The following TMTC2 variants were observed in gnomAD, a reference collection of about 807,000 sequenced individuals.
TMTC2 encodes protein O-mannosyl-transferase TMTC2.
In TMTC2, 43 loss-of-function variants were observed where a neutral mutation model predicts 82.4. The observed-to-expected ratio is 0.52, with a 90% confidence interval of 0.41 to 0.67. The LOEUF (loss-of-function observed/expected upper bound fraction) is 0.67, where lower values mean the gene tolerates loss of function less well. Among genes scored for constraint, TMTC2 ranks in the 30% least tolerant of loss-of-function variants. TMTC2 has a pLI of 0.00. For missense variants in TMTC2, 919 were observed against 1,012.4 expected (o/e 0.91, Z 1.25); for synonymous variants, 408 against 381.9 (o/e 1.07, Z -0.80).
intron 1 of TMTC2, among the ~76,000 whole-genome samples, chr12:82,750,819 G>A (rs1396378064): frequency 6.6e-6 from 1 of 152,098 alleles, no homozygotes; most frequent in Non-Finnish European, 1.5e-5. Flanking sequence ...TAAATTCTGG[G>A]AGAGCATTTA....
chr12:83,067,554 T>C (rs1882964426), intron 11 of TMTC2, among the ~76,000 whole-genome samples: 2 of 151,636 alleles, frequency 1.3e-5, no homozygotes, highest in Non-Finnish European at 2.9e-5. Context: ...AAACTAGAAA[T>C]AGAGGGGAGG....
intron 1 of TMTC2, among the ~76,000 whole-genome samples, chr12:82,703,084 C>T (rs541373409): frequency 2.6e-5 from 4 of 152,058 alleles, no homozygotes; most frequent in Admixed American, 2.6e-4. Context: ...GTAGTCCTGG[C>T]TACTTTGGAG....
At chr12:83,120,090 A>G (rs1412069812) in intron 11 of TMTC2, among the ~76,000 whole-genome samples, 3 of 152,196 alleles carry the variant, frequency 2.0e-5, no homozygotes, top group Non-Finnish European at 4.4e-5. Flanking sequence ...ACATTCTGCA[A>G]TTCTGTATCT....
chr12:82,926,854 A>G (rs1001475953), intron 3 of TMTC2, among the ~76,000 whole-genome samples: 5 of 152,372 alleles, frequency 3.3e-5, no homozygotes, highest in Admixed American at 6.5e-5. Flanking sequence ...ATCTGTTTAC[A>G]GCATGGCTTA....
intron 6 of TMTC2, 156 bp downstream of exon 6, chr12:82,965,900 C>T (rs1041641726): frequency 3.0e-5 from 21 of 708,502 alleles, no homozygotes; most frequent in Middle Eastern, 2.5e-4. Context: ...TACATGATGA[C>T]ATTGGAATGG....
intron 4 of TMTC2, among the ~76,000 whole-genome samples, chr12:82,938,986 C>T (rs187587523): frequency 8.3e-4 from 126 of 152,110 alleles, no homozygotes; most frequent in Middle Eastern, 3.4e-3. Flanking sequence ...GACTTTTTTA[C>T]GTGTGTGCAG....
intron 1 of TMTC2, among the ~76,000 whole-genome samples, chr12:82,735,975 A>T (rs1384603448): frequency 8.6e-6 from 1 of 116,226 alleles, no homozygotes; most frequent in Non-Finnish European, 2.1e-5. Flanking sequence ...TCCGTCACAC[A>T]CACACACACA....
intron 2 of TMTC2, among the ~76,000 whole-genome samples, chr12:82,866,954 T>G (rs949442042): frequency 6.6e-6 from 1 of 152,238 alleles, no homozygotes; most frequent in African/African-American, 2.4e-5. Context: ...TGCATAGGAT[T>G]ATAAGTTTTA....
At chr12:83,020,117 T>G (rs1880847162) in intron 8 of TMTC2, among the ~76,000 whole-genome samples, 1 of 152,196 alleles carries the variant, frequency 6.6e-6, no homozygotes, top group Non-Finnish European at 1.5e-5. Context: ...CTTGAGTATT[T>G]CCACTAAATC....
At chr12:82,958,369 A>C (rs1877730077) in intron 4 of TMTC2, among the ~76,000 whole-genome samples, 4 of 7,354 alleles carry the variant, frequency 5.4e-4, no homozygotes, top group African/African-American at 9.8e-4. Flanking sequence ...AAAAAAAAAA[A>C]ACAAAAAAAA....
intron 2 of TMTC2, among the ~76,000 whole-genome samples, chr12:82,888,034 G>A (rs1279739342): frequency 2.6e-5 from 4 of 152,046 alleles, no homozygotes; most frequent in African/African-American, 9.7e-5. Flanking sequence ...AGCCGAAATC[G>A]CGCCATTGCA....
chr12:82,732,894 C>A (rs1874900401), intron 1 of TMTC2, among the ~76,000 whole-genome samples: 1 of 152,182 alleles, frequency 6.6e-6, no homozygotes, highest in Non-Finnish European at 1.5e-5. Context: ...GGCTAATTGC[C>A]TTAAAAGGAC....
rs1029472366 is a variant in TMTC2 at position 82,687,016 on chromosome 12, T to C, written c.-571T>C. On this transcript the variant is annotated 5_prime_UTR_variant, in exon 1 of 12. Coordinates refer to ENST00000321196, the MANE Select transcript of TMTC2 (RefSeq NM_152588.3). ...GGGGCTGGGAGGGAGCTAATAAACA[T>C]TGAATGTGCAGCAGCTGCCTTGGCG... is the stretch of plus-strand genomic sequence containing the variant. 29 of 158,058 alleles carry C rather than the reference T, an allele frequency of 1.8e-4. No individual in the cohort carries two copies. The highest frequency in any genetic ancestry group is 1.8e-4 in the Admixed American group (3 of 16,288). 9.8% of individuals were successfully genotyped at this position (158,058 alleles called of 1,614,324 possible).
intron 1 of TMTC2, among the ~76,000 whole-genome samples, chr12:82,792,837 A>G (rs1253357812): frequency 6.6e-6 from 1 of 151,988 alleles, no homozygotes; most frequent in Non-Finnish European, 1.5e-5. Context: ...TCTCATATTC[A>G]TCTTTTATTT....
chr12:82,997,346 G>A lies in TMTC2; in HGVS notation c.2070+11300G>A, dbSNP rs1328614385. On this transcript the variant is annotated intron_variant, in intron 8 of 11. Coordinates refer to ENST00000321196, the MANE Select transcript of TMTC2 (RefSeq NM_152588.3). ...TGTCTGTGTGTGTGTGTGTGTGTGT[G>A]TGTATATATATATATATATGTGTAT... Among the ~76,000 whole-genome samples the A allele has an allele frequency of 2.1e-3, 61 of 29,190 alleles. 1 individual carries two copies. Among genetic ancestry groups the A allele is most frequent in the African/African-American group, 4.7e-3 (53 of 11,316 alleles). 19.1% of individuals were successfully genotyped at this position (29,190 alleles called of 152,430 possible).
intron 4 of TMTC2, among the ~76,000 whole-genome samples, chr12:82,931,496 C>T (rs1592636229): frequency 6.6e-6 from 1 of 152,144 alleles, no homozygotes; most frequent in Non-Finnish European, 1.5e-5. Flanking sequence ...AAACTCAAAT[C>T]TCTTCTTTGT....
chr12:82,865,505 A>C (rs1258961742), intron 2 of TMTC2, among the ~76,000 whole-genome samples: 1 of 152,226 alleles, frequency 6.6e-6, no homozygotes, highest in Non-Finnish European at 1.5e-5. Context: ...ACCCAAATTC[A>C]TAAAGCAAGT....
At position 82,687,561 on chromosome 12, in the gene TMTC2, C is replaced by T; in HGVS notation, c.-26C>T. 1 of 1,583,854 alleles carries T rather than the reference C, an allele frequency of 6.3e-7. No homozygotes were observed. Among genetic ancestry groups the T allele is most frequent in the Non-Finnish European group, 8.6e-7 (1 of 1,166,402 alleles). Reference sequence around the variant, plus strand: ...CCGCTGCTGCCCTCGCGCTGGGAGCCGAGCCGGAGGGAAGGCGGTGGAGAG... The same window carrying T: ...CCGCTGCTGCCCTCGCGCTGGGAGCTGAGCCGGAGGGAAGGCGGTGGAGAG... On this transcript the variant is annotated 5_prime_UTR_variant, in exon 1 of 12. Coordinates refer to ENST00000321196, the MANE Select transcript of TMTC2 (RefSeq NM_152588.3).
At chr12:82,869,942 A>G (rs907316004) in intron 2 of TMTC2, among the ~76,000 whole-genome samples, 2 of 152,174 alleles carry the variant, frequency 1.3e-5, no homozygotes, top group Admixed American at 6.5e-5. Context: ...ACAACGGTAT[A>G]TTCTAGCCTC....
Sources: allele counts gnomAD v4.1 joint callset (sites outside exome capture counted in the v4.1 genomes callset), GRCh38; gene constraint gnomAD v4.1.1; transcripts MANE v1.5; gene names NCBI Gene and HGNC (gene_info 2026-07-23, HGNC 2026-07-21).